The following KCNAB2 variants were observed in gnomAD, a reference collection of about 807,000 sequenced individuals.
The protein encoded by KCNAB2 is potassium voltage-gated channel subfamily A regulatory beta subunit 2.
A neutral mutation model predicts 63.6 loss-of-function variants in KCNAB2; 29 were observed. The observed-to-expected ratio is 0.46, with a 90% CI of 0.34 to 0.62. KCNAB2 has a LOEUF of 0.62. Among genes scored for constraint, KCNAB2 ranks in the 20% least tolerant of loss-of-function variants. The pLI is 0.01. For synonymous variants in KCNAB2, 222 were observed against 224.2 expected, an observed-to-expected ratio of 0.99 and a Z score of 0.09; for missense variants, 359 against 563.9, an observed-to-expected ratio of 0.64 and a Z score of 3.68.
chr1:6,015,661 T>C (rs1319094318), intron 1 of KCNAB2, among the ~76,000 whole-genome samples: 1 of 152,308 alleles, frequency 6.6e-6, no homozygotes, highest in East Asian at 1.9e-4. Context: ...ATGCTAATAT[T>C]GATTTGGAGC....
Position 6,035,969 on chromosome 1 carries a change from G to T in KCNAB2, c.-53+1175G>T, listed in dbSNP as rs931211452. 2 of 152,832 alleles carry T rather than the reference G, an allele frequency of 1.3e-5. No homozygotes were observed. Among genetic ancestry groups the T allele is most frequent in the African/African-American group, 4.8e-5 (2 of 41,532 alleles). The allele number at this position is 152,832 out of a possible 1,614,324, so 9.5% of individuals were successfully genotyped here. A position where few individuals can be genotyped will look rare whatever the true frequency, so the allele number is the denominator to read the frequency against. On this transcript the variant is annotated intron_variant, in intron 1 of 15. Coordinates refer to the KCNAB2 transcript ENST00000164247. This position sits in a 1 kb window ranked among gnomAD's most constrained non-coding sequence, Gnocchi z 5.0. ...GGAGCGTGGAGTCCTGGGAGCTGGG[G>T]AAGCCGCAGGCAGCACCTCTGTCAC...
At chr1:6,080,286 G>A (rs921536940) in intron 4 of KCNAB2, among the ~76,000 whole-genome samples, 9 of 152,144 alleles carry the variant, frequency 5.9e-5, no homozygotes, top group South Asian at 2.1e-4. Flanking sequence ...CAAGCCACCC[G>A]TCTGTCCGTG....
At chr1:6,002,857 G>T (rs1657335685) in intron 1 of KCNAB2, among the ~76,000 whole-genome samples, 1 of 152,190 alleles carries the variant, frequency 6.6e-6, no homozygotes, top group African/African-American at 2.4e-5. Flanking sequence ...CAGTGTCAAG[G>T]ACTCTGCCGT....
chr1:6,073,716 CCT>C lies in KCNAB2; in HGVS notation c.263-16_263-15del, dbSNP rs1557484333. Reference sequence around the variant, plus strand: ...TCCTGCCAGGTTCCTAACTTGAGCCCCTGTGTCTCCTTCCAGGAACATGGGTG... The same window carrying C: ...TCCTGCCAGGTTCCTAACTTGAGCCCGTGTCTCCTTCCAGGAACATGGGTG... On this transcript the variant is annotated splice_polypyrimidine_tract_variant and intron_variant, in intron 3 of 15. Transcript: ENST00000378083. This position sits in a 1 kb window ranked among gnomAD's most constrained non-coding sequence, Gnocchi z 5.7. The C allele has an allele frequency of 1.9e-6, 3 of 1,614,090 alleles. No homozygotes were observed. In the East Asian group the frequency reaches 6.7e-5, roughly 36 times the overall value.
Position 6,051,648 on chromosome 1 carries a change from C to G in KCNAB2, c.112C>G (p.Arg38Gly). The G allele has an allele frequency of 1.2e-5, 18 of 1,534,178 alleles. No individual in the cohort carries two copies. The highest frequency in any genetic ancestry group is 1.6e-5 in the Non-Finnish European group (18 of 1,146,668). The change falls in exon 2 of 16, where the codon CGG becomes GGG. Residue 38 changes from arginine (R) to glycine (G), a missense_variant. Arg to Gly is a moderately radical substitution (Grantham distance 125). Coordinates refer to ENST00000378083, the MANE Select transcript of KCNAB2 (RefSeq NM_001199862.2). ...QTDTLELQRLREVRAAAQARN... is the reference protein window; with the variant it reads ...QTDTLELQRLGEVRAAAQARN... ...GGACACGCTGGAACTGCAGCGGCTG[C>G]GGGAGGTGCGGGCGGCTGCCCAGGC... is the stretch of plus-strand genomic sequence containing the variant.
intron 2 of KCNAB2, among the ~76,000 whole-genome samples, chr1:6,065,018 C>A (rs573976739): frequency 6.6e-6 from 1 of 152,298 alleles, no homozygotes; most frequent in East Asian, 1.9e-4. Flanking sequence ...CTTCCTTGGG[C>A]CATCTGTGTC....
rs1457589587 is a variant in KCNAB2, at chr1:6,028,983, G to A, written c.-52-11534G>A. Among the ~76,000 whole-genome samples, 1 of 152,194 alleles carries A rather than the reference G, an allele frequency of 6.6e-6. No individual in the cohort carries two copies. The highest frequency in any genetic ancestry group is 2.4e-5 in the African/African-American group (1 of 41,458). The stretch of plus-strand genomic sequence containing the variant: ...ACAAGTCCCGCCATGACGCCCTGAG[G>A]CGTGGGTTCACACTTGGGTGTGGCT... On this transcript the variant is annotated intron_variant, in intron 1 of 16. Coordinates refer to the KCNAB2 transcript ENST00000341524. This position sits in a 1 kb window ranked among gnomAD's most constrained non-coding sequence, Gnocchi z 4.0.
At chr1:6,076,600 G>A (rs1458800489) in intron 4 of KCNAB2, among the ~76,000 whole-genome samples, 2 of 152,236 alleles carry the variant, frequency 1.3e-5, no homozygotes, top group Non-Finnish European at 2.9e-5. Flanking sequence ...TGAGCCTCTG[G>A]CTATAAACAG....
chr1:6,051,173 G>A (rs1338603357), intron 1 of KCNAB2, among the ~76,000 whole-genome samples: 1 of 152,368 alleles, frequency 6.6e-6, no homozygotes, highest in East Asian at 1.9e-4. Context: ...GGGGGCTCAG[G>A]CTCTGCATGC....
chr1:6,004,461 C>G (rs539273045), intron 1 of KCNAB2, among the ~76,000 whole-genome samples: 48 of 152,168 alleles, frequency 3.2e-4, no homozygotes, highest in African/African-American at 1.1e-3. Flanking sequence ...GATCAGGAAG[C>G]CAGAAGGCAA....
At chr1:6,029,034 C>A (rs1399910737) in intron 1 of KCNAB2, among the ~76,000 whole-genome samples, 1 of 152,166 alleles carries the variant, frequency 6.6e-6, no homozygotes, top group African/African-American at 2.4e-5. Flanking sequence ...AATGAGCCTT[C>A]ACTTTGGGAG....
In KCNAB2 at chr1:6,062,402, C is replaced by T. The variant is rs543097598; in HGVS notation, c.219-10353C>T. Among the ~76,000 whole-genome samples, 12 of 152,310 alleles carry T rather than the reference C, an allele frequency of 7.9e-5. No homozygotes were observed. The East Asian group carries it at 2.1e-3, about 27-fold the overall frequency. The stretch of plus-strand genomic sequence containing the variant: ...TGTGAGCTAGGAAACGCCATTCCCC[C>T]AGTAAGTGGGCATTTGTCTAGCAGC... On this transcript the variant is annotated intron_variant, in intron 2 of 15. Transcript: ENST00000378083.
At chr1:6,007,563 G>A (rs1657892490) in intron 1 of KCNAB2, 1 of 152,410 alleles carries the variant, frequency 6.6e-6, no homozygotes, top group Admixed American at 6.5e-5. Flanking sequence ...GTCAGGCTCT[G>A]AAACGCAGTC....
intron 1 of KCNAB2, among the ~76,000 whole-genome samples, chr1:6,001,261 T>C (rs1038913481): frequency 6.6e-6 from 1 of 151,738 alleles, no homozygotes; most frequent in East Asian, 1.9e-4. Flanking sequence ...CTTGGTGCTC[T>C]TGGAGCCCTG....
At chr1:6,082,404 A>G (rs1664286557) in intron 5 of KCNAB2, 130 bp downstream of exon 5, 1 of 705,872 alleles carries the variant, frequency 1.4e-6, no homozygotes, top group Admixed American at 2.1e-5. Context: ...TCATTTTTAA[A>G]CTCTGAATGG....
chr1:6,022,641 T>C (rs76809778), intron 1 of KCNAB2, among the ~76,000 whole-genome samples: 1,690 of 152,246 alleles, frequency 0.011, 38 homozygotes, highest in African/African-American at 0.038. Context: ...AACTGGAACT[T>C]CCCATTCCCC....
chr1:6,057,899 C>A (rs1044039864), intron 2 of KCNAB2, among the ~76,000 whole-genome samples: 3 of 152,156 alleles, frequency 2.0e-5, no homozygotes, highest in African/African-American at 7.2e-5. Flanking sequence ...GCTTATAATC[C>A]CAGCATCTTG....
At chr1:6,084,619 C>T (rs551345926) in intron 5 of KCNAB2, among the ~76,000 whole-genome samples, 37 of 152,276 alleles carry the variant, frequency 2.4e-4, no homozygotes, top group East Asian at 1.7e-3. Flanking sequence ...AGTTCGAGAC[C>T]AGCCTGGCCA....
intron 1 of KCNAB2, among the ~76,000 whole-genome samples, chr1:5,997,862 C>T (rs761953042): frequency 7.9e-5 from 12 of 152,228 alleles, no homozygotes; most frequent in Non-Finnish European, 1.8e-4. Context: ...TGCTTAAAAC[C>T]TATACATGCC....
Sources: allele counts gnomAD v4.1 joint callset (sites outside exome capture counted in the v4.1 genomes callset), GRCh38; gene constraint gnomAD v4.1.1; non-coding constraint Gnocchi (gnomAD v3.1); transcripts MANE v1.5; gene names NCBI Gene and HGNC (gene_info 2026-07-23, HGNC 2026-07-21).